Variants in RBFOX2 observed in about 807,000 individuals in gnomAD.
The protein encoded by RBFOX2 is RNA binding fox-1 homolog 2.
In RBFOX2, 10 loss-of-function variants were observed where a neutral mutation model predicts 49.1. The ratio of observed to expected loss-of-function variants is 0.20; its 90% confidence interval spans 0.13 to 0.35. The LOEUF (loss-of-function observed/expected upper bound fraction) is 0.35, where lower values mean the gene tolerates loss of function less well. Ranked by LOEUF, RBFOX2 falls within the 10% of genes least tolerant of loss-of-function variation. The pLI, the probability that RBFOX2 is intolerant of heterozygous loss-of-function variation, is 1.00. For missense variants in RBFOX2, 323 were observed against 486.9 expected, an observed-to-expected ratio of 0.66 and a Z score of 3.17; for synonymous variants, 183 against 187.4, an observed-to-expected ratio of 0.98 and a Z score of 0.19.
intron 1 of RBFOX2, among the ~76,000 whole-genome samples, chr22:35,982,145 G>A (rs1258508421): frequency 6.6e-6 from 1 of 152,050 alleles, no homozygotes; most frequent in African/African-American, 2.4e-5. Flanking sequence ...ATAATTCCAG[G>A]GGAATAGATA....
intron 1 of RBFOX2, among the ~76,000 whole-genome samples, chr22:35,849,199 C>T (rs2041585748): frequency 6.6e-6 from 1 of 151,916 alleles, no homozygotes; most frequent in South Asian, 2.1e-4. Flanking sequence ...CTGCTCAAAA[C>T]AAAGCCTAAA....
chr22:35,997,683 C>T (rs1250509446), intron 1 of RBFOX2: 2 of 152,170 alleles, frequency 1.3e-5, no homozygotes, highest in Non-Finnish European at 2.9e-5. Context: ...CTTCCCTTGG[C>T]CTCCCAGGCT....
chr22:35,947,698 A>T (rs1182273141), intron 1 of RBFOX2, among the ~76,000 whole-genome samples: 1 of 149,362 alleles, frequency 6.7e-6, no homozygotes, highest in Admixed American at 6.6e-5. Flanking sequence ...AAAAAAAAAA[A>T]AAATTAAAAA....
exon 12 of RBFOX2, chr22:35,738,936 T>A (rs1928376704): frequency 6.6e-6 from 1 of 152,610 alleles, no homozygotes. Context: ...TACTTGATAA[T>A]AATAGGAGTA....
intron 1 of RBFOX2, among the ~76,000 whole-genome samples, chr22:35,926,817 C>T (rs1035693287): frequency 3.9e-5 from 6 of 152,156 alleles, no homozygotes; most frequent in Non-Finnish European, 5.9e-5. Flanking sequence ...AAACCCATTA[C>T]CACCAAAGAG....
At chr22:35,810,615 C>A (rs1386086694) in intron 1 of RBFOX2, among the ~76,000 whole-genome samples, 1 of 152,144 alleles carries the variant, frequency 6.6e-6, no homozygotes, top group Non-Finnish European at 1.5e-5. Context: ...AAATGCTCAA[C>A]CTCACTAACT....
chr22:35,968,222 G>A (rs1351794551), intron 1 of RBFOX2, among the ~76,000 whole-genome samples: 1 of 152,158 alleles, frequency 6.6e-6, no homozygotes, highest in African/African-American at 2.4e-5. Context: ...GGTCAATCCA[G>A]GATGAAAAGT....
At chr22:35,951,939 T>C (rs2054990029) in intron 1 of RBFOX2, among the ~76,000 whole-genome samples, 1 of 152,218 alleles carries the variant, frequency 6.6e-6, no homozygotes, top group African/African-American at 2.4e-5. Flanking sequence ...ACTGCTAAGG[T>C]TGGCCTTAGC....
intron 1 of RBFOX2, among the ~76,000 whole-genome samples, chr22:36,012,107 A>C (rs2058844275): frequency 6.6e-6 from 1 of 152,216 alleles, no homozygotes; most frequent in Admixed American, 6.5e-5. Context: ...ACAACGACAA[A>C]CTATCATGCA....
intron 1 of RBFOX2, among the ~76,000 whole-genome samples, chr22:35,891,942 A>G (rs1350167960): frequency 2.0e-5 from 3 of 152,216 alleles, no homozygotes; most frequent in Non-Finnish European, 4.4e-5. Context: ...AGTACTTAAC[A>G]TACAAACTAA....
At chr22:35,746,194 T>C (rs1179647837) in intron 10 of RBFOX2, among the ~76,000 whole-genome samples, 199 bp from the exon 13 acceptor site, 1 of 152,016 alleles carries the variant, frequency 6.6e-6, no homozygotes, top group African/African-American at 2.4e-5. Context: ...AGTACTTCCA[T>C]AAAATGGAAA....
At chr22:35,842,057 A>G (rs1244372442), upstream of RBFOX2, among the ~76,000 whole-genome samples, 1 of 152,202 alleles carries the variant, frequency 6.6e-6, no homozygotes, top group African/African-American at 2.4e-5. Context: ...AAATTTTAAA[A>G]TTAAAAAAAT....
chr22:35,939,627 G>A (rs971717573), upstream of RBFOX2, among the ~76,000 whole-genome samples: 7 of 151,900 alleles, frequency 4.6e-5, no homozygotes, highest in African/African-American at 1.7e-4. Context: ...ATTTTTTAAA[G>A]GTATATCATG....
chr22:36,005,437 T>C (rs933320044), intron 1 of RBFOX2, among the ~76,000 whole-genome samples: 20 of 152,330 alleles, frequency 1.3e-4, no homozygotes, highest in African/African-American at 4.6e-4. Flanking sequence ...CTAAACAAAA[T>C]GACAGAACAC....
chr22:35,768,159 A>T, intron 5 of RBFOX2, 98 bp downstream of exon 6: 4 of 1,263,754 alleles, frequency 3.2e-6, no homozygotes, highest in Non-Finnish European at 4.6e-6. Flanking sequence ...GTGCACACGC[A>T]CACATAAGAC....
intron 1 of RBFOX2, among the ~76,000 whole-genome samples, chr22:35,950,053 T>A (rs1050264022): frequency 5.3e-5 from 8 of 152,224 alleles, no homozygotes; most frequent in Admixed American, 3.3e-4. Context: ...AGCTCTTATG[T>A]TTAGGTCTTT....
At chr22:35,748,911 C>A (rs947064913) in intron 9 of RBFOX2, among the ~76,000 whole-genome samples, 1 of 152,196 alleles carries the variant, frequency 6.6e-6, no homozygotes, top group Admixed American at 6.5e-5. Flanking sequence ...ACTGGAGGTA[C>A]GATCTCTGAG....
intron 1 of RBFOX2, among the ~76,000 whole-genome samples, chr22:35,882,965 A>G (rs748367140): frequency 5.9e-5 from 9 of 152,144 alleles, no homozygotes; most frequent in Non-Finnish European, 1.2e-4. Context: ...AACTTTTTCT[A>G]CAAAAGAAAG....
intron 1 of RBFOX2, among the ~76,000 whole-genome samples, chr22:35,894,163 T>C (rs1488633579): frequency 1.3e-5 from 2 of 152,154 alleles, no homozygotes; most frequent in African/African-American, 2.4e-5. Context: ...ATTACAGTAA[T>C]AGAAGGTACT....
Sources: allele counts gnomAD v4.1 joint callset (sites outside exome capture counted in the v4.1 genomes callset), GRCh38; gene constraint gnomAD v4.1.1; transcripts MANE v1.5; gene names NCBI Gene and HGNC (gene_info 2026-07-23, HGNC 2026-07-21).